ARFGEF1: variants seen among roughly 807,000 people sequenced by gnomAD.
ARFGEF1 encodes brefeldin A-inhibited guanine nucleotide-exchange protein 1.
ARFGEF1 carries 42 observed loss-of-function variants against 231.0 expected under a neutral mutation model. The observed-to-expected ratio is 0.18, with a 90% CI of 0.14 to 0.24. The LOEUF (loss-of-function observed/expected upper bound fraction) is 0.24. Ranked by LOEUF, ARFGEF1 falls within the 10% of genes least tolerant of loss-of-function variation. The probability of loss-of-function intolerance (pLI) is 1.00; values close to 1 mark genes in which losing one functional copy is unlikely to be tolerated. For synonymous variants in ARFGEF1, 710 were observed against 732.3 expected (o/e 0.97, Z 0.49); for missense variants, 1,345 against 2,192.0 (o/e 0.61, Z 7.72).
chr8:67,301,768 C>T (rs1251238239), intron 2 of ARFGEF1, among the ~76,000 whole-genome samples: 1 of 152,078 alleles, frequency 6.6e-6, no homozygotes, highest in Admixed American at 6.6e-5. Context: ...TCAATATTGT[C>T]CTAAAAATGC....
chr8:67,311,384 GC>G (rs1169549896), intron 1 of ARFGEF1, among the ~76,000 whole-genome samples: 1 of 136,572 alleles, frequency 7.3e-6, no homozygotes, highest in East Asian at 2.3e-4. Flanking sequence ...GAGCCCCTCT[GC>G]CCAGCCAGCC....
chr8:67,216,828 T>C (rs1419100453), intron 32 of ARFGEF1, among the ~76,000 whole-genome samples, 166 bp from the exon 33 acceptor site: 1 of 152,116 alleles, frequency 6.6e-6, no homozygotes, highest in Non-Finnish European at 1.5e-5. Context: ...TAGTAAAAAG[T>C]TTAAAATATG....
chr8:67,235,105 TATATAC>T (rs1172610784), intron 22 of ARFGEF1, among the ~76,000 whole-genome samples: 2 of 126,446 alleles, frequency 1.6e-5, no homozygotes, highest in African/African-American at 7.9e-5. Context: ...TGTGTGTATA[TATATAC>T]ACACACACAC....
chr8:67,180,415 T>A (rs1275303220), intron 5 of ARFGEF1, among the ~76,000 whole-genome samples: 1 of 152,186 alleles, frequency 6.6e-6, no homozygotes, highest in East Asian at 1.9e-4. Flanking sequence ...AACAGATTAG[T>A]GGTTGCCAGG....
rs1403270841 is a variant in ARFGEF1, at chr8:67,236,361, AAAAAATATATATATATATATATAT to A, written c.3289+1958_3289+1981del. 1.4e-3 allele frequency among the ~76,000 whole-genome samples: 60 copies of A among 42,078 alleles called. 2 individuals carry two copies. The highest frequency in any genetic ancestry group is 2.1e-3 in the Non-Finnish European group (50 of 23,484). The allele number at this position is 42,078 out of a possible 152,430, so 27.6% of individuals were successfully genotyped here. On this transcript the variant is annotated intron_variant, in intron 22 of 38. Coordinates refer to ENST00000262215, the MANE Select transcript of ARFGEF1 (RefSeq NM_006421.5). The stretch of plus-strand genomic sequence containing the variant: ...AAAAGATATTAGTTAAAAAAAAAAA[AAAAAATATATATATATATATATAT>A]ATATATATATATATATATATATATA...
At chr8:67,343,088 A>ACCCCCCCCCCCCCCCCCCCCCCCCCCCCC in intron 1 of ARFGEF1, 76 bp downstream of exon 1, 1 of 399,152 alleles carries the variant, frequency 2.5e-6, no homozygotes, top group Non-Finnish European at 4.8e-6. Context: ...GCCCCGGGCG[A>ACCCCCCCCCCCCCCCCCCCCCCCCCCCCC]CCCCACCCCC....
At position 67,258,177 on chromosome 8, in the gene ARFGEF1, C is replaced by T. The variant is rs1840520985; in HGVS notation, c.2349G>A (p.Met783Ile). Residue 783 changes from methionine to isoleucine, a missense_variant, in exon 16 of 39, where the codon ATG becomes ATA. By Grantham distance (10) the Met-to-Ile change is conservative. Coordinates refer to ENST00000262215, the MANE Select transcript of ARFGEF1 (RefSeq NM_006421.5). ...CTGGAAGACGAAATCCTTCTAGAAA[C>T]ATACGAAGGGCTGAAACGAAGTCTT... Reference protein sequence around the residue: ...SGKDFVSALRMFLEGFRLPGE... With the variant: ...SGKDFVSALRIFLEGFRLPGE... The T allele has an allele frequency of 6.2e-7, 1 of 1,613,406 alleles. No homozygotes were observed. Among genetic ancestry groups the T allele is most frequent in the Non-Finnish European group, 8.5e-7 (1 of 1,179,432 alleles).
chr8:67,290,906 A>T (rs1475144597), intron 6 of ARFGEF1, among the ~76,000 whole-genome samples: 1 of 152,152 alleles, frequency 6.6e-6, no homozygotes, highest in African/African-American at 2.4e-5. Flanking sequence ...GCTGGGGGGA[A>T]AATGTAAAAA....
intron 14 of ARFGEF1, among the ~76,000 whole-genome samples, chr8:67,265,490 C>T (rs1464501707): frequency 6.6e-6 from 1 of 152,062 alleles, no homozygotes; most frequent in African/African-American, 2.4e-5. Flanking sequence ...GCAGGTATCA[C>T]AAAGCTTAGT....
intron 1 of ARFGEF1, among the ~76,000 whole-genome samples, chr8:67,341,623 TAATTTG>T (rs1209672436): frequency 6.6e-6 from 1 of 152,056 alleles, no homozygotes; most frequent in Admixed American, 6.6e-5. Flanking sequence ...TTTAAAACTT[TAATTTG>T]AATCTCTCTA....
chr8:67,315,337 C>A (rs1807262211), intron 1 of ARFGEF1, among the ~76,000 whole-genome samples: 1 of 152,060 alleles, frequency 6.6e-6, no homozygotes, highest in African/African-American at 2.4e-5. Context: ...CCTCTTACAA[C>A]AATACAACTA....
intron 1 of ARFGEF1, among the ~76,000 whole-genome samples, chr8:67,311,995 A>C (rs182199023): frequency 0.016 from 2,463 of 152,224 alleles, 70 homozygotes; most frequent in African/African-American, 0.057. Context: ...AAATGGATTA[A>C]GGGCAGTGCA....
chr8:67,337,573 C>A (rs972435992), intron 1 of ARFGEF1, among the ~76,000 whole-genome samples: 13 of 151,030 alleles, frequency 8.6e-5, no homozygotes, highest in African/African-American at 3.2e-4. Context: ...TCCCATCTTT[C>A]TCTCTGTCTC....
At chr8:67,209,948 C>T (rs529032710) in intron 34 of ARFGEF1, among the ~76,000 whole-genome samples, 2 of 151,710 alleles carry the variant, frequency 1.3e-5, no homozygotes, top group African/African-American at 2.4e-5. Flanking sequence ...GTCAGGAGAT[C>T]GAGACCACCC....
intron 14 of ARFGEF1, among the ~76,000 whole-genome samples, chr8:67,262,482 C>A (rs1263171047): frequency 1.3e-5 from 2 of 152,136 alleles, no homozygotes; most frequent in African/African-American, 2.4e-5. Context: ...TTAGAATATT[C>A]CATAAATTTA....
chr8:67,342,425 G>A (rs897466626), intron 1 of ARFGEF1, among the ~76,000 whole-genome samples: 1 of 152,150 alleles, frequency 6.6e-6, no homozygotes, highest in Non-Finnish European at 1.5e-5. Flanking sequence ...GCTGGTGGGT[G>A]TCATTGTCTT....
chr8:67,187,098 T>G (rs1364404189), intron 5 of ARFGEF1, among the ~76,000 whole-genome samples: 1 of 152,198 alleles, frequency 6.6e-6, no homozygotes, highest in Non-Finnish European at 1.5e-5. Context: ...ATATATTTCA[T>G]GACCATGCAC....
intron 1 of ARFGEF1, among the ~76,000 whole-genome samples, chr8:67,318,937 C>T (rs1807451648): frequency 6.6e-6 from 1 of 152,174 alleles, no homozygotes; most frequent in Non-Finnish European, 1.5e-5. Context: ...CATGCCACTG[C>T]CTGAGCAACA....
At position 67,301,286 on chromosome 8, in the gene ARFGEF1, A is replaced by C; in HGVS notation, c.250T>G (p.Phe84Val). ...FIEADKYFLPFELACQSKCPR... is the reference protein window; with the variant it reads ...FIEADKYFLPVELACQSKCPR... Reference sequence around the variant, plus strand: ...CATTTGGACTGGCATGCCAACTCAAAAGGCAAGAAGTACTTGTCTGCTTCA... The same window carrying C: ...CATTTGGACTGGCATGCCAACTCAACAGGCAAGAAGTACTTGTCTGCTTCA... The change falls in exon 3 of 39, where the codon TTT (phenylalanine) becomes GTT (valine). Residue 84 changes from phenylalanine to valine, a missense_variant. Phe to Val is a conservative substitution (Grantham distance 50, BLOSUM62 -1). Around this residue, in one of 14 missense-constraint regions of ARFGEF1, gnomAD observed 398 missense variants for 463.2 expected, o/e 0.86. Transcript: ENST00000262215. The C allele has an allele frequency of 1.2e-6, 2 of 1,614,086 alleles. No homozygotes were observed. Among genetic ancestry groups the C allele is most frequent in the Non-Finnish European group, 1.7e-6 (2 of 1,180,018 alleles).
Sources: gnomAD v4.1 joint callset for allele counts (sites outside exome capture counted in the v4.1 genomes callset) on GRCh38, gnomAD v4.1.1 for gene constraint, gnomAD v4.1.1 regional missense constraint, MANE v1.5 for transcripts, NCBI Gene and HGNC (gene_info 2026-07-23, HGNC 2026-07-21) for gene names.